The following TIMP3 variants were observed in gnomAD, a reference collection of about 807,000 sequenced individuals.
TIMP3 encodes the protein TIMP metallopeptidase inhibitor 3, also known as metalloproteinase inhibitor 3.
Under a neutral mutation model 30.0 loss-of-function variants are expected in TIMP3, and 11 were observed. The ratio of observed to expected loss-of-function variants is 0.37; its 90% CI spans 0.23 to 0.61. The LOEUF (loss-of-function observed/expected upper bound fraction) is 0.61, where lower values mean the gene tolerates loss of function less well. Among genes scored for constraint, TIMP3 ranks in the 20% least tolerant of loss-of-function variants. TIMP3 has a pLI of 0.70. For synonymous variants in TIMP3, 112 were observed against 111.3 expected (o/e 1.01, Z -0.04); for missense variants, 181 against 276.8 (o/e 0.65, Z 2.45).
chr22:32,806,926 G>T (rs1199443211), intron 1 of TIMP3, among the ~76,000 whole-genome samples: 1 of 151,968 alleles, frequency 6.6e-6, no homozygotes, highest in African/African-American at 2.4e-5. Flanking sequence ...ATTTATAGTA[G>T]TTTTTCCCTT....
intron 1 of TIMP3, among the ~76,000 whole-genome samples, chr22:32,822,852 T>C (rs1456956361): frequency 1.3e-5 from 2 of 152,102 alleles, no homozygotes; most frequent in Non-Finnish European, 1.5e-5. Flanking sequence ...TAGTTCTCTA[T>C]TGATGCCAGA....
intron 1 of TIMP3, among the ~76,000 whole-genome samples, chr22:32,808,179 C>T (rs2046817252): frequency 1.3e-5 from 2 of 152,304 alleles, no homozygotes; most frequent in Admixed American, 6.5e-5. Context: ...CCATTTATTA[C>T]ACCAAGTTGT....
rs550722236 is a variant in TIMP3 at position 32,846,553 on chromosome 22, C to T, written c.122-2899C>T. On this transcript the variant is annotated intron_variant, in intron 1 of 4. Transcript: ENST00000266085. ...TATATTAATACGACCCTCACAGCAA[C>T]TTTATGAGGCATTGTTTCATCATTC... Among the ~76,000 whole-genome samples, 14 of 152,318 alleles carry T rather than the reference C, an allele frequency of 9.2e-5. No homozygotes were observed. The East Asian group carries it at 1.7e-3, about 19-fold the overall frequency.
chr22:32,828,225 G>A (rs2047470795), intron 1 of TIMP3, among the ~76,000 whole-genome samples: 1 of 152,236 alleles, frequency 6.6e-6, no homozygotes, highest in South Asian at 2.1e-4. Context: ...GCTAGTGAGT[G>A]TCTGTGCTGG....
chr22:32,830,958 T>C (rs1442292908), intron 1 of TIMP3, among the ~76,000 whole-genome samples: 1 of 152,130 alleles, frequency 6.6e-6, no homozygotes, highest in African/African-American at 2.4e-5. Flanking sequence ...TGTGTGTTTT[T>C]TTTTCCCCAA....
At chr22:32,849,375 C>T (rs2048154934) in intron 1 of TIMP3, 77 bp from the exon 2 acceptor site, 10 of 1,278,004 alleles carry the variant, frequency 7.8e-6, no homozygotes, top group South Asian at 1.3e-5. Flanking sequence ...CAGAGGCTAG[C>T]GTGCCCGCCC....
At chr22:32,803,978 G>A (rs564287083) in intron 1 of TIMP3, among the ~76,000 whole-genome samples, 3 of 152,236 alleles carry the variant, frequency 2.0e-5, no homozygotes, top group East Asian at 1.9e-4. Flanking sequence ...GGGCCTTCCC[G>A]TCTGCTTACT....
At chr22:32,805,895 A>T (rs1472102616) in intron 1 of TIMP3, among the ~76,000 whole-genome samples, 1 of 152,054 alleles carries the variant, frequency 6.6e-6, no homozygotes, top group Non-Finnish European at 1.5e-5. Flanking sequence ...ATATGAAGAT[A>T]GCCAAAATGG....
intron 1 of TIMP3, among the ~76,000 whole-genome samples, chr22:32,831,938 T>C (rs148968150): frequency 2.0e-5 from 3 of 152,260 alleles, no homozygotes; most frequent in Non-Finnish European, 4.4e-5. Flanking sequence ...AGCTGAATAA[T>C]GTGCCCTCCT....
chr22:32,819,477 C>A (rs2047177068), intron 1 of TIMP3, among the ~76,000 whole-genome samples: 1 of 152,202 alleles, frequency 6.6e-6, no homozygotes, highest in African/African-American at 2.4e-5. Context: ...CTAAGGATGT[C>A]CATTGACTAT....
chr22:32,819,588 C>T (rs951684245), intron 1 of TIMP3, among the ~76,000 whole-genome samples: 1 of 152,128 alleles, frequency 6.6e-6, no homozygotes, highest in Non-Finnish European at 1.5e-5. Flanking sequence ...GTGCTAAGGT[C>T]ACAAAAATGA....
intron 1 of TIMP3, among the ~76,000 whole-genome samples, chr22:32,842,861 G>T (rs373503183): frequency 1.2e-4 from 19 of 152,288 alleles, no homozygotes; most frequent in East Asian, 9.6e-4. Context: ...ATGTGTTTGT[G>T]TGTCTGTGTA....
chr22:32,833,926 T>C (rs1330437145), intron 1 of TIMP3: 1 of 494,632 alleles, frequency 2.0e-6, no homozygotes, highest in Non-Finnish European at 4.0e-6. Context: ...TTGTAATCAT[T>C]GACAATAGGA....
At chr22:32,825,566 G>C (rs1361001532) in intron 1 of TIMP3, among the ~76,000 whole-genome samples, 1 of 146,878 alleles carries the variant, frequency 6.8e-6, no homozygotes, top group African/African-American at 2.5e-5. Flanking sequence ...AGCTGAGGCA[G>C]AGAATCACTT....
At chr22:32,856,649 G>A (rs1005752155) in intron 2 of TIMP3, among the ~76,000 whole-genome samples, 12 of 152,086 alleles carry the variant, frequency 7.9e-5, no homozygotes, top group African/African-American at 2.2e-4. Context: ...AACATTTATC[G>A]TTTCTTCATG....
intron 1 of TIMP3, among the ~76,000 whole-genome samples, chr22:32,849,009 A>G (rs1167135980): frequency 1.3e-5 from 2 of 152,180 alleles, no homozygotes; most frequent in African/African-American, 4.8e-5. Context: ...AATGCATGCA[A>G]AGGAAGAGCC....
At chr22:32,813,486 TACACACACAC>T (rs130277) in intron 1 of TIMP3, among the ~76,000 whole-genome samples, 19,045 of 138,188 alleles carry the variant, frequency 0.14, 1,526 homozygotes, top group East Asian at 0.3. Context: ...TCTGAAAAGA[TACACACACAC>T]ACACACACAC....
chr22:32,807,311 T>C (rs1601403712), intron 1 of TIMP3, among the ~76,000 whole-genome samples: 1 of 121,968 alleles, frequency 8.2e-6, no homozygotes, highest in South Asian at 2.4e-4. Context: ...TATATAAATA[T>C]ATAATATATA....
chr22:32,804,997 C>G (rs1204612989), intron 1 of TIMP3, among the ~76,000 whole-genome samples: 1 of 147,208 alleles, frequency 6.8e-6, no homozygotes, highest in Non-Finnish European at 1.5e-5. Context: ...TGGGCTGTGC[C>G]AAGGGCTTTC....
Sources: allele counts gnomAD v4.1 joint callset (sites outside exome capture counted in the v4.1 genomes callset), GRCh38; gene constraint gnomAD v4.1.1; transcripts MANE v1.5; gene names NCBI Gene and HGNC (gene_info 2026-07-23, HGNC 2026-07-21).